Variants in C12orf54 observed in about 807,000 individuals in gnomAD.
The protein encoded by C12orf54 is chromosome 12 open reading frame 54.
In C12orf54, 24 loss-of-function variants were observed where a neutral mutation model predicts 26.4. The ratio of observed to expected loss-of-function variants is 0.91; its 90% CI spans 0.66 to 1.28. C12orf54 has a LOEUF of 1.28. C12orf54 is among the 50% of genes most tolerant of loss of function. C12orf54 has a pLI of 0.00. For synonymous variants in C12orf54, 54 were observed against 47.0 expected (o/e 1.15, Z -0.61); for missense variants, 154 against 150.9 (o/e 1.02, Z -0.11).
chr12:48,484,183 G>A lies in C12orf54; in HGVS notation c.65+822G>A, dbSNP rs12300339. On this transcript the variant is annotated intron_variant, in intron 2 of 8. Transcript: ENST00000548364. ...GCACTCCAGCCTGGGCAATAAGAGC[G>A]AAACAAAGAGTTTGTAGAAATTTGG... is the stretch of plus-strand genomic sequence containing the variant. Among the ~76,000 whole-genome samples the A allele has an allele frequency of 7.7e-3, 1,173 of 152,232 alleles. 9 individuals are homozygous for A. Among genetic ancestry groups the A allele is most frequent in the African/African-American group, 0.027 (1,111 of 41,534 alleles).
the C12orf54 span, among the ~76,000 whole-genome samples, chr12:48,433,830 C>A: frequency 6.6e-6 from 1 of 152,142 alleles, no homozygotes; most frequent in Non-Finnish European, 1.5e-5. Context: ...CAGCTCCCAG[C>A]GTGAGCAATG....
At chr12:48,484,943 T>C (rs1283095708) in intron 2 of C12orf54, among the ~76,000 whole-genome samples, 1 of 152,352 alleles carries the variant, frequency 6.6e-6, no homozygotes, top group Admixed American at 6.5e-5. Flanking sequence ...CCAGGTTCTA[T>C]GGAGAAATAG....
chr12:48,439,340 C>T, the C12orf54 span, among the ~76,000 whole-genome samples: 15 of 152,132 alleles, frequency 9.9e-5, no homozygotes, highest in South Asian at 2.1e-4. Flanking sequence ...GTCAGTGTGG[C>T]GATTCCTCAG....
the C12orf54 span, among the ~76,000 whole-genome samples, chr12:48,460,501 T>C: frequency 3.3e-5 from 5 of 152,054 alleles, no homozygotes; most frequent in Non-Finnish European, 7.4e-5. Context: ...CACAAAGAAG[T>C]GAAGAGCCCC....
chr12:48,472,752 A>G, the C12orf54 span: 1 of 1,614,202 alleles, frequency 6.2e-7, no homozygotes, highest in South Asian at 1.1e-5. Flanking sequence ...CAGTCAGTCA[A>G]ATGAAGGCAA....
chr12:48,421,475 C>T, the C12orf54 span, among the ~76,000 whole-genome samples: 2 of 135,648 alleles, frequency 1.5e-5, no homozygotes, highest in Non-Finnish European at 3.1e-5. Flanking sequence ...GATGAGATTT[C>T]GGTAGGGACA....
chr12:48,447,218 G>T, the C12orf54 span, among the ~76,000 whole-genome samples: 1 of 146,384 alleles, frequency 6.8e-6, no homozygotes, highest in African/African-American at 2.5e-5. Flanking sequence ...TACTCTGTGT[G>T]TGTGTGTGTG....
At chr12:48,488,496 G>C in intron 4 of C12orf54, 1 of 250,156 alleles carries the variant, frequency 4.0e-6, no homozygotes, top group Non-Finnish European at 7.3e-6. Context: ...AAAAAAAAAA[G>C]AAAGAAAGAA....
the C12orf54 span, among the ~76,000 whole-genome samples, chr12:48,415,362 C>T: frequency 2.6e-5 from 4 of 152,168 alleles, no homozygotes; most frequent in Admixed American, 6.5e-5. Context: ...TTTCACCTAC[C>T]ATTCTCTTTT....
the C12orf54 span, chr12:48,472,991 G>C: frequency 6.2e-7 from 1 of 1,614,068 alleles, no homozygotes; most frequent in Admixed American, 1.7e-5. Flanking sequence ...TAGAGCCCCT[G>C]AAAAAGTTAG....
At chr12:48,496,036 T>C (rs1937906110) in intron 8 of C12orf54, 145 bp from the exon 9 acceptor site, 1 of 152,210 alleles carries the variant, frequency 6.6e-6, no homozygotes, top group Non-Finnish European at 1.5e-5. Flanking sequence ...TAGTTCCTGT[T>C]GGATATCTTG....
the C12orf54 span, among the ~76,000 whole-genome samples, chr12:48,469,618 T>C: frequency 6.6e-6 from 1 of 152,168 alleles, no homozygotes; most frequent in Admixed American, 6.5e-5. Context: ...GATTAAGAGA[T>C]TAAAGTAAAG....
At chr12:48,421,646 C>T in the C12orf54 span, among the ~76,000 whole-genome samples, 1 of 149,736 alleles carries the variant, frequency 6.7e-6, no homozygotes, top group Admixed American at 6.8e-5. Flanking sequence ...TATCCTGCCT[C>T]AGACTCCCAA....
At chr12:48,436,849 G>T in the C12orf54 span, among the ~76,000 whole-genome samples, 2 of 152,148 alleles carry the variant, frequency 1.3e-5, no homozygotes, top group Admixed American at 1.3e-4. Context: ...AAAAGAACTA[G>T]AGAAGCAAGA....
chr12:48,484,458 C>T (rs1324256734), intron 2 of C12orf54, among the ~76,000 whole-genome samples: 2 of 152,190 alleles, frequency 1.3e-5, no homozygotes, highest in Admixed American at 1.3e-4. Flanking sequence ...CACACCAGAG[C>T]CCTGGCCTTT....
At chr12:48,467,570 T>C in the C12orf54 span, among the ~76,000 whole-genome samples, 4 of 152,054 alleles carry the variant, frequency 2.6e-5, no homozygotes, top group Admixed American at 6.6e-5. Context: ...TTAAATAAAA[T>C]TCTAGAAAAT....
the C12orf54 span, among the ~76,000 whole-genome samples, chr12:48,460,148 T>C: frequency 2.6e-4 from 40 of 152,174 alleles, no homozygotes; most frequent in Non-Finnish European, 5.4e-4. Context: ...CTTTGGAATA[T>C]GCAGAGTATG....
At chr12:48,448,474 G>A in the C12orf54 span, among the ~76,000 whole-genome samples, 52 of 152,064 alleles carry the variant, frequency 3.4e-4, 1 homozygote, top group South Asian at 8.7e-3. Flanking sequence ...ATAAAGTGTC[G>A]CATTATATGA....
At chr12:48,472,320 G>A in the C12orf54 span, among the ~76,000 whole-genome samples, 2 of 152,274 alleles carry the variant, frequency 1.3e-5, no homozygotes, top group East Asian at 3.9e-4. Flanking sequence ...CTAGTTAGGA[G>A]GCTTTGACAA....
Sources: gnomAD v4.1 joint callset for allele counts (sites outside exome capture counted in the v4.1 genomes callset) on GRCh38, gnomAD v4.1.1 for gene constraint, MANE v1.5 for transcripts, NCBI Gene and HGNC (gene_info 2026-07-23, HGNC 2026-07-21) for gene names.